Variants in FIGN observed in about 807,000 individuals in gnomAD.
FIGN encodes fidgetin.
A neutral mutation model predicts 51.3 loss-of-function variants in FIGN; 11 were observed. The observed-to-expected ratio is 0.21, with a 90% CI of 0.13 to 0.35. The LOEUF is 0.35. FIGN is among the 10% of genes least tolerant of loss of function. The pLI is 1.00. For missense variants in FIGN, 857 were observed against 943.6 expected, an observed-to-expected ratio of 0.91 and a Z score of 1.20; for synonymous variants, 407 against 363.2, an observed-to-expected ratio of 1.12 and a Z score of -1.37.
rs1691171195 is a variant in FIGN at position 163,609,106 on chromosome 2, T to C, written c.*446A>G. The C allele has an allele frequency of 6.2e-6, 1 of 161,972 alleles. No individual in the cohort carries two copies. Among genetic ancestry groups the C allele is most frequent in the Non-Finnish European group, 1.4e-5 (1 of 73,726 alleles). The allele number at this position is 161,972 out of a possible 1,614,324, so 10.0% of individuals were successfully genotyped here. On this transcript the variant is annotated 3_prime_UTR_variant, in exon 3 of 3. Transcript: ENST00000333129. ...CTGTCATAACACAACTGTTCATCTCTTTAGTCCAATAATGTTTGAAGTTAA... is the reference window on the plus strand; with the variant it reads ...CTGTCATAACACAACTGTTCATCTCCTTAGTCCAATAATGTTTGAAGTTAA...
At chr2:163,612,785 A>AAGAGAG (rs147434594) in intron 2 of FIGN, among the ~76,000 whole-genome samples, 7 of 144,202 alleles carry the variant, frequency 4.9e-5, no homozygotes, top group Non-Finnish European at 6.0e-5. Flanking sequence ...ATGAGAGAGA[A>AAGAGAG]AGAGAGAGAG....
intron 2 of FIGN, among the ~76,000 whole-genome samples, chr2:163,675,706 C>CTTTTTTTTT (rs900840520): frequency 3.1e-3 from 313 of 100,514 alleles, no homozygotes; most frequent in Non-Finnish European, 3.8e-3. Flanking sequence ...TTCTTTCTTT[C>CTTTTTTTTT]TTTTTTTTTT....
intron 2 of FIGN, among the ~76,000 whole-genome samples, chr2:163,715,469 G>T (rs1684653623): frequency 6.6e-6 from 1 of 152,192 alleles, no homozygotes; most frequent in Non-Finnish European, 1.5e-5. Flanking sequence ...TCAGGCAATG[G>T]ACATGCTGCT....
intron 2 of FIGN, among the ~76,000 whole-genome samples, chr2:163,727,645 C>A (rs1423799564): frequency 6.6e-6 from 1 of 152,134 alleles, no homozygotes; most frequent in Non-Finnish European, 1.5e-5. Context: ...CACTTTCACC[C>A]CAGTCTTGGA....
At chr2:163,731,141 G>C (rs765153862) in intron 2 of FIGN, among the ~76,000 whole-genome samples, 1 of 152,116 alleles carries the variant, frequency 6.6e-6, no homozygotes, top group African/African-American at 2.4e-5. Flanking sequence ...GGAAGTATTA[G>C]CATGGCTGTC....
chr2:163,642,274 C>T (rs189431876), intron 2 of FIGN, among the ~76,000 whole-genome samples: 6 of 152,174 alleles, frequency 3.9e-5, no homozygotes, highest in Non-Finnish European at 4.4e-5. Context: ...CCTAGTGATT[C>T]AACGAAAGTA....
rs184600253 is a variant in FIGN, at chr2:163,632,760, T to C, written c.26-20954A>G. Among the ~76,000 whole-genome samples the C allele has an allele frequency of 2.0e-5, 3 of 152,292 alleles. No individual in the cohort carries two copies. In the East Asian group the frequency reaches 5.8e-4, roughly 29 times the overall value. ...AGGAGAAAGAACTAAAGAGAAATAATGAGAAGTTACAGGCGGGTAGATTTC... is the reference window on the plus strand; with the variant it reads ...AGGAGAAAGAACTAAAGAGAAATAACGAGAAGTTACAGGCGGGTAGATTTC... On this transcript the variant is annotated intron_variant, in intron 2 of 2. Coordinates refer to ENST00000333129, the MANE Select transcript of FIGN (RefSeq NM_018086.4).
At chr2:163,680,542 C>T (rs1684044438) in intron 2 of FIGN, among the ~76,000 whole-genome samples, 1 of 152,166 alleles carries the variant, frequency 6.6e-6, no homozygotes, top group Non-Finnish European at 1.5e-5. Flanking sequence ...CCATCACCCC[C>T]TCACCTGGAA....
At position 163,609,782 on chromosome 2, in the gene FIGN, G is replaced by A. The variant is rs747101469; in HGVS notation, c.2050C>T (p.Arg684Cys). The change falls in exon 3 of 3, where the codon CGC (arginine) becomes TGC (cysteine). Residue 684 changes from arginine (R) to cysteine (C), a missense_variant. Arg to Cys is a radical substitution (Grantham distance 180, BLOSUM62 -3). This residue lies in a region of FIGN where 799 missense variants were observed against 849.5 expected (regional missense o/e 0.94). Coordinates refer to ENST00000333129, the MANE Select transcript of FIGN (RefSeq NM_018086.4). ...TCTAGTCCAGAAAAGCCTTCTGTGCGCTGGACGAGCAGTGCAAACTCCTTG... is the reference window on the plus strand; with the variant it reads ...TCTAGTCCAGAAAAGCCTTCTGTGCACTGGACGAGCAGTGCAAACTCCTTG... ...NDKEFALLVQ[R>C]TEGFSGLDVA... The A allele has an allele frequency of 5.6e-6, 9 of 1,614,006 alleles. No individual in the cohort carries two copies. Among genetic ancestry groups the A allele is most frequent in the African/African-American group, 4.0e-5 (3 of 74,934 alleles).
chr2:163,704,525 T>C (rs1397364966), intron 2 of FIGN, among the ~76,000 whole-genome samples: 1 of 152,072 alleles, frequency 6.6e-6, no homozygotes, highest in African/African-American at 2.4e-5. Context: ...TATTCCCATC[T>C]CTGTCAATGG....
At chr2:163,634,089 CGT>C (rs66956230) in intron 2 of FIGN, among the ~76,000 whole-genome samples, 5,936 of 145,430 alleles carry the variant, frequency 0.041, 263 homozygotes, top group African/African-American at 0.11. Context: ...CGTATGTATG[CGT>C]GTGTGTGTGT....
intron 2 of FIGN, 65 bp downstream of exon 2, chr2:163,734,838 A>G (rs974890846): frequency 2.0e-6 from 3 of 1,497,524 alleles, no homozygotes; most frequent in Admixed American, 3.9e-5. Context: ...CAATGGTTTT[A>G]TCATGCTATT....
chr2:163,712,597 G>C (rs1218201581), intron 2 of FIGN, among the ~76,000 whole-genome samples: 1 of 151,988 alleles, frequency 6.6e-6, no homozygotes, highest in Non-Finnish European at 1.5e-5. Context: ...TTTTTGAATT[G>C]TTTGTTAAAA....
At chr2:163,677,832 T>A (rs1237175686) in intron 2 of FIGN, among the ~76,000 whole-genome samples, 1 of 152,230 alleles carries the variant, frequency 6.6e-6, no homozygotes, top group Non-Finnish European at 1.5e-5. Flanking sequence ...ACCTTTCCTA[T>A]CTTTTACTTT....
chr2:163,610,210 C>G lies in FIGN; in HGVS notation c.1622G>C (p.Ser541Thr), dbSNP rs372484991. Residue 541 changes from serine to threonine, a missense_variant, in exon 3 of 3, where the codon AGT (serine) becomes ACT (threonine). Physicochemically the swap from Ser to Thr is moderately conservative, Grantham distance 58. Around this residue, in one of 3 missense-constraint regions of FIGN, gnomAD observed 799 missense variants for 849.5 expected, o/e 0.94. Coordinates refer to ENST00000333129, the MANE Select transcript of FIGN (RefSeq NM_018086.4). ...TTTGAAAAATGTGGCCCCCAGCTGA[C>G]TAGCGATGCATCTGCCCAATAATGT... ...GKTLLGRCIA[S>T]QLGATFFKIA... 22 of 1,614,072 alleles carry G rather than the reference C, an allele frequency of 1.4e-5. No homozygotes were observed. Among genetic ancestry groups the G allele is most frequent in the Non-Finnish European group, 1.9e-5 (22 of 1,180,038 alleles).
chr2:163,634,268 T>C (rs576897816), intron 2 of FIGN, among the ~76,000 whole-genome samples: 1 of 152,308 alleles, frequency 6.6e-6, no homozygotes, highest in African/African-American at 2.4e-5. Context: ...TCTATTCAAG[T>C]CATTTTTCAT....
chr2:163,679,876 T>C (rs985879502), intron 2 of FIGN, among the ~76,000 whole-genome samples: 4 of 152,240 alleles, frequency 2.6e-5, no homozygotes, highest in African/African-American at 9.6e-5. Context: ...CTGTGAATAG[T>C]AGAACTTAAG....
At chr2:163,716,241 T>C (rs1407877724) in intron 2 of FIGN, among the ~76,000 whole-genome samples, 1 of 152,236 alleles carries the variant, frequency 6.6e-6, no homozygotes, top group Non-Finnish European at 1.5e-5. Context: ...TGGATGCTTC[T>C]GAATCTTCCA....
intron 2 of FIGN, among the ~76,000 whole-genome samples, chr2:163,647,382 T>C (rs1009155056): frequency 1.2e-4 from 19 of 152,198 alleles, no homozygotes; most frequent in African/African-American, 4.3e-4. Context: ...TATAATCTAA[T>C]GGCATCAAAG....
Sources: gnomAD v4.1 joint callset for allele counts (sites outside exome capture counted in the v4.1 genomes callset) on GRCh38, gnomAD v4.1.1 for gene constraint, gnomAD v4.1.1 regional missense constraint, MANE v1.5 for transcripts, NCBI Gene and HGNC (gene_info 2026-07-23, HGNC 2026-07-21) for gene names.